IDH3B: variants seen among roughly 807,000 people sequenced by gnomAD.
The protein encoded by IDH3B is isocitrate dehydrogenase [NAD] subunit beta, mitochondrial.
Under a neutral mutation model 47.5 loss-of-function variants are expected in IDH3B, and 40 were observed. The ratio of observed to expected loss-of-function variants is 0.84; its 90% confidence interval spans 0.65 to 1.10. The LOEUF (loss-of-function observed/expected upper bound fraction) is 1.10. IDH3B is among the 50% of genes least tolerant of loss of function. IDH3B has a pLI of 0.00. For synonymous variants in IDH3B, 185 were observed against 191.0 expected (o/e 0.97, Z 0.26); for missense variants, 450 against 505.2 (o/e 0.89, Z 1.05).
At chr20:2,659,357 G>C in intron 11 of IDH3B, 168 bp downstream of exon 11, 1 of 1,578,082 alleles carries the variant, frequency 6.3e-7, no homozygotes, top group Non-Finnish European at 8.6e-7. Context: ...CCAAGAGAAG[G>C]GAGATGAAGA....
In IDH3B at chr20:2,660,398, A is replaced by T; in HGVS notation, c.666-33T>A. 1 of 1,614,128 alleles carries T rather than the reference A, an allele frequency of 6.2e-7. No homozygotes were observed. The highest frequency in any genetic ancestry group is 8.5e-7 in the Non-Finnish European group (1 of 1,179,998). ...TGGGCCAAAGGGGACAGAATCAGCC[A>T]AGAAAGTACAGGGGCTACCTTCCCA... On this transcript the variant is annotated intron_variant, in intron 7 of 11. Coordinates refer to ENST00000380843, the MANE Select transcript of IDH3B (RefSeq NM_006899.5). The surrounding 1 kb of genome is among the most constrained non-coding windows in gnomAD (Gnocchi z 5.6).
chr20:2,659,777 A>C lies in IDH3B; in HGVS notation c.932T>G (p.Phe311Cys), dbSNP rs1209251879. 1 of 1,613,634 alleles carries C rather than the reference A, an allele frequency of 6.2e-7. No homozygotes were observed. The highest frequency in any genetic ancestry group is 8.5e-7 in the Non-Finnish European group (1 of 1,179,530). Residue 311 changes from phenylalanine (F) to cysteine (C), a missense_variant, in exon 10 of 12, where the codon TTT (phenylalanine) becomes TGT (cysteine). Physicochemically the swap from Phe to Cys is radical, Grantham distance 205. Transcript: ENST00000380843. Reference sequence around the variant, plus strand: ...TATATTCCTGCCCACTGCCTGGGCAAATGGGTGCCGGGCACCCTGTGGAGA... The same window carrying C: ...TATATTCCTGCCCACTGCCTGGGCACATGGGTGCCGGGCACCCTGTGGAGA... ...AVFETGARHP[F>C]AQAVGRNIAN... is the part of the protein sequence containing the mutation.
In IDH3B at chr20:2,658,694, C is replaced by T; in HGVS notation, c.*57G>A. On this transcript the variant is annotated 3_prime_UTR_variant, in exon 12 of 12. Transcript: ENST00000380843. ...GGCACAAGGTCTCTTCCCTGGTACA[C>T]TGCACTGAAGGGTATGGGGAGTGTG... 24 of 1,614,162 alleles carry T rather than the reference C, an allele frequency of 1.5e-5. No homozygotes were observed. The highest frequency in any genetic ancestry group is 2.2e-5 in the South Asian group (2 of 91,082).
intron 4 of IDH3B, among the ~76,000 whole-genome samples, chr20:2,661,206 T>C (rs2086942676): frequency 6.8e-6 from 1 of 147,650 alleles, no homozygotes. Context: ...TGTGTGTGCG[T>C]GTGTGAGAGA....
intron 1 of IDH3B, 50 bp from the exon 2 acceptor site, chr20:2,664,055 C>G: frequency 1.2e-6 from 2 of 1,611,212 alleles, no homozygotes; most frequent in Non-Finnish European, 1.7e-6. Context: ...GACATCCAGA[C>G]CCCGAACACT....
chr20:2,663,893 G>T (rs746011283), intron 2 of IDH3B, 32 bp downstream of exon 2: 5 of 1,609,272 alleles, frequency 3.1e-6, no homozygotes, highest in South Asian at 1.1e-5. Flanking sequence ...GGACAGGGTC[G>T]TAAGAGAGAC....
chr20:2,659,006 ACTC>A lies in IDH3B; in HGVS notation c.1072-172_1072-170del, dbSNP rs71329397. ...AGGATGGGAAGCACATGGACCTGCC[ACTC>A]CTCTTAAGCCACTATTAGCTGTGCT... On this transcript the variant is annotated intron_variant, in intron 11 of 11. Coordinates refer to ENST00000380843, the MANE Select transcript of IDH3B (RefSeq NM_006899.5). 123,966 of 1,307,596 alleles carry A rather than the reference ACTC, an allele frequency of 0.095. 6,151 individuals are homozygous for A. Among genetic ancestry groups the A allele is most frequent in the East Asian group, 0.24 (9,236 of 38,882 alleles). The allele number at this position is 1,307,596 out of a possible 1,614,324, so 81.0% of individuals were successfully genotyped here. A position where few individuals can be genotyped will look rare whatever the true frequency, so the allele number is the denominator to read the frequency against.
intron 9 of IDH3B, 83 bp from the exon 10 acceptor site, chr20:2,659,876 A>G: frequency 7.0e-7 from 1 of 1,420,182 alleles, no homozygotes; most frequent in Non-Finnish European, 1.0e-6. Context: ...ACATTATGGG[A>G]GGGGGAGCTC....
In IDH3B at chr20:2,660,570, C is replaced by T. The variant is rs767513035; in HGVS notation, c.552G>A (p.Glu184=). ...LEHESARGVI[E]CLKIVTRAKS... ...TGGCTCGTGTGACAATCTTCAAACA[C>T]TCAATCACACCCCTTGCACTCTGGG... The change falls in exon 7 of 12, where the codon GAG becomes GAA. Residue 184 remains glutamate (E), a synonymous_variant. Transcript: ENST00000380843. This position sits in a 1 kb window ranked among gnomAD's most constrained non-coding sequence, Gnocchi z 5.6. The T allele has an allele frequency of 1.2e-6, 2 of 1,614,072 alleles. No homozygotes were observed. Among genetic ancestry groups the T allele is most frequent in the South Asian group, 1.1e-5 (1 of 91,074 alleles).
chr20:2,663,422 C>G lies in IDH3B; in HGVS notation c.337+24G>C, dbSNP rs769673725. 5 of 1,613,760 alleles carry G rather than the reference C, an allele frequency of 3.1e-6. No homozygotes were observed. In the East Asian group the frequency reaches 1.1e-4, roughly 36 times the overall value. On this transcript the variant is annotated intron_variant, in intron 4 of 11. Coordinates refer to ENST00000380843, the MANE Select transcript of IDH3B (RefSeq NM_006899.5). The stretch of plus-strand genomic sequence containing the variant: ...CATTTGATTTTAAATGGCACATGGA[C>G]AAGTGGCAAGAGGGCACACATACCA...
rs2073193 is a variant in IDH3B, at chr20:2,663,761, C to G, written c.118-3G>C. The G allele has an allele frequency of 0.7, 1,136,862 of 1,613,428 alleles. 403,908 individuals are homozygous for G. The highest frequency in any genetic ancestry group is 0.73 in the Non-Finnish European group (855,949 of 1,179,686). Reference sequence around the variant, plus strand: ...CCCTCCACCCTCACGTCCTCGGCCTCAATTGGGGGAAGAGGGGAGAAGTAA... The same window carrying G: ...CCCTCCACCCTCACGTCCTCGGCCTGAATTGGGGGAAGAGGGGAGAAGTAA... On this transcript the variant is annotated splice_polypyrimidine_tract_variant and splice_region_variant and intron_variant, in intron 2 of 11. Transcript: ENST00000380843.
chr20:2,660,133 T>C lies in IDH3B; in HGVS notation c.812A>G (p.Asn271Ser), dbSNP rs141344025. 1.8e-4 allele frequency: 296 copies of C among 1,613,890 alleles called. No individual in the cohort carries two copies. Among genetic ancestry groups the C allele is most frequent in the Non-Finnish European group, 2.3e-4 (274 of 1,179,986 alleles). ...ATTGTCAATAATGTTCCCATAGAGA[T>C]TGGGCATCACAAGCACATCAAACTG... Reference protein sequence around the residue: ...PYQFDVLVMPNLYGNIIDNLA... With the variant: ...PYQFDVLVMPSLYGNIIDNLA... Residue 271 changes from asparagine to serine, a missense_variant, in exon 9 of 12, where the codon AAT (asparagine) becomes AGT (serine). Transcript: ENST00000380843. This position sits in a 1 kb window ranked among gnomAD's most constrained non-coding sequence, Gnocchi z 5.6.
At chr20:2,659,457 G>C (rs2086895104) in intron 11 of IDH3B, 68 bp downstream of exon 11, 1 of 1,561,886 alleles carries the variant, frequency 6.4e-7, no homozygotes. Flanking sequence ...TCCCCAGAGG[G>C]TAGTGCCGAG....
In IDH3B at chr20:2,660,143, C is replaced by A. The variant is rs1389058060; in HGVS notation, c.802G>T (p.Val268Leu). 1 of 1,614,172 alleles carries A rather than the reference C, an allele frequency of 6.2e-7. No individual in the cohort carries two copies. The highest frequency in any genetic ancestry group is 8.5e-7 in the Non-Finnish European group (1 of 1,180,024). The change falls in exon 9 of 12, where the codon GTG (valine) becomes TTG (leucine). Residue 268 changes from valine (V) to leucine (L), a missense_variant. Coordinates refer to ENST00000380843, the MANE Select transcript of IDH3B (RefSeq NM_006899.5). The surrounding 1 kb of genome is among the most constrained non-coding windows in gnomAD (Gnocchi z 5.6). ...VQNPYQFDVL[V>L]MPNLYGNIID... ...ATGTTCCCATAGAGATTGGGCATCACAAGCACATCAAACTGGTAAGGATTC... is the reference window on the plus strand; with the variant it reads ...ATGTTCCCATAGAGATTGGGCATCAAAAGCACATCAAACTGGTAAGGATTC...
At position 2,663,924 on chromosome 20, in the gene IDH3B, C is replaced by T; in HGVS notation, c.117+1G>A. On this transcript the variant is annotated splice_donor_variant, in intron 2 of 11. Transcript: ENST00000380843. LOFTEE classifies it high-confidence loss of function. The stretch of plus-strand genomic sequence containing the variant: ...GAGACCCCAGCCAGATTCGTGCATA[C>T]CTGGCTCCGCGATGCAGCGTGCGCC... 6.2e-7 allele frequency: 1 copy of T among 1,613,866 alleles called. No individual in the cohort carries two copies. Among genetic ancestry groups the T allele is most frequent in the African/African-American group, 1.3e-5 (1 of 75,048 alleles).
At position 2,660,532 on chromosome 20, in the gene IDH3B, A is replaced by C; in HGVS notation, c.590T>G (p.Ile197Ser). 6.2e-7 allele frequency: 1 copy of C among 1,614,146 alleles called. No homozygotes were observed. The highest frequency in any genetic ancestry group is 1.1e-5 in the South Asian group (1 of 91,080). Reference protein sequence around the residue: ...KIVTRAKSQRIAKFAFDYATK... With the variant: ...KIVTRAKSQRSAKFAFDYATK... The stretch of plus-strand genomic sequence containing the variant: ...GGCATAGTCAAAGGCGAACTTTGCA[A>C]TCCGCTGAGACTTGGCTCGTGTGAC... Residue 197 changes from isoleucine to serine, a missense_variant, in exon 7 of 12, where the codon ATT (isoleucine) becomes AGT (serine). By Grantham distance (142) the Ile-to-Ser change is moderately radical. Transcript: ENST00000380843. The surrounding 1 kb of genome is among the most constrained non-coding windows in gnomAD (Gnocchi z 5.6).
chr20:2,660,763 G>A lies in IDH3B; in HGVS notation c.465C>T (p.His155=). 6.2e-7 allele frequency: 1 copy of A among 1,614,108 alleles called. No individual in the cohort carries two copies. The highest frequency in any genetic ancestry group is 8.5e-7 in the Non-Finnish European group (1 of 1,180,032). ...GAATGATCACCAGGTCTAGATTGTT[G>A]TGCCGAGTCATATACCCAGGAAGTG... ...VKSLPGYMTR[H]NNLDLVIIRE... The change falls in exon 6 of 12, where the codon CAC becomes CAT. Residue 155 remains histidine, a synonymous_variant. Transcript: ENST00000380843. This position sits in a 1 kb window ranked among gnomAD's most constrained non-coding sequence, Gnocchi z 5.6.
chr20:2,660,209 C>A lies in IDH3B; in HGVS notation c.769-33G>T. 1.2e-6 allele frequency: 2 copies of A among 1,614,090 alleles called. No homozygotes were observed. The highest frequency in any genetic ancestry group is 1.7e-6 in the Non-Finnish European group (2 of 1,179,984). ...GTGAGATGCAGGCATGAAGTAAATT[C>A]CACTCCCCACCCTCCTCCTCCGCCC... On this transcript the variant is annotated intron_variant, in intron 8 of 11. Transcript: ENST00000380843. The surrounding 1 kb of genome is among the most constrained non-coding windows in gnomAD (Gnocchi z 5.6).
Position 2,660,616 on chromosome 20 carries a change from G to A in IDH3B, c.532-26C>T, listed in dbSNP as rs1307690488. 2 of 1,614,134 alleles carry A rather than the reference G, an allele frequency of 1.2e-6. No individual in the cohort carries two copies. The highest frequency in any genetic ancestry group is 2.2e-5 in the East Asian group (1 of 44,874). The stretch of plus-strand genomic sequence containing the variant: ...CTGGGTAAGAAGAAAGCAGCAGCTA[G>A]GTGACACTGGGAAGGGAAACAAGGA... On this transcript the variant is annotated intron_variant, in intron 6 of 11. Transcript: ENST00000380843. The surrounding 1 kb of genome is among the most constrained non-coding windows in gnomAD (Gnocchi z 5.6).
Sources: gnomAD v4.1 joint callset for allele counts (sites outside exome capture counted in the v4.1 genomes callset) on GRCh38, gnomAD v4.1.1 for gene constraint, Gnocchi (gnomAD v3.1) non-coding constraint, MANE v1.5 for transcripts, NCBI Gene and HGNC (gene_info 2026-07-23, HGNC 2026-07-21) for gene names.